The following TYW1B variants were observed in gnomAD, a reference collection of about 807,000 sequenced individuals.
TYW1B encodes the protein S-adenosyl-L-methionine-dependent tRNA 4-demethylwyosine synthase TYW1B.
In TYW1B, 73 loss-of-function variants were observed where a neutral mutation model predicts 86.9. That is an observed-to-expected ratio of 0.84 (90% CI 0.70 to 1.02). TYW1B has a LOEUF of 1.02. TYW1B is among the 50% of genes least tolerant of loss of function. The pLI, the probability that TYW1B is intolerant of heterozygous loss-of-function variation, is 0.00. For synonymous variants in TYW1B, 248 were observed against 292.8 expected (o/e 0.85, Z 1.56); for missense variants, 637 against 827.4 (o/e 0.77, Z 2.82).
intron 13 of TYW1B, among the ~76,000 whole-genome samples, chr7:72,603,356 A>G (rs2129568108): frequency 6.6e-6 from 1 of 151,974 alleles, no homozygotes; most frequent in South Asian, 2.1e-4. Flanking sequence ...GGATGGATGG[A>G]CGAATGGACG....
At chr7:72,602,329 G>A (rs1563025665) in intron 13 of TYW1B, among the ~76,000 whole-genome samples, 1 of 152,170 alleles carries the variant, frequency 6.6e-6, no homozygotes, top group Non-Finnish European at 1.5e-5. Flanking sequence ...GTCTCTCACT[G>A]TTGGGTTGGG....
intron 9 of TYW1B, among the ~76,000 whole-genome samples, chr7:72,719,692 G>GGCAATGAA (rs1386597777): frequency 1.1e-4 from 16 of 151,598 alleles, no homozygotes; most frequent in Non-Finnish European, 2.2e-4. Context: ...GAAAGAGCAG[G>GGCAATGAA]GCAATGAAGA....
rs71553249 is a variant in TYW1B, at chr7:72,634,247, C to T, written c.1507-5250G>A. Among the ~76,000 whole-genome samples, 11 of 151,836 alleles carry T rather than the reference C, an allele frequency of 7.2e-5. 1 individual carries two copies. The highest frequency in any genetic ancestry group is 4.2e-4 in the South Asian group (2 of 4,810). On this transcript the variant is annotated intron_variant, in intron 11 of 13. Transcript: ENST00000620995. ...AGGCTGGAGTGCAGTGGCATAAGCA[C>T]GGCCCACTACAGCCTCAACCTCCCA...
intron 7 of TYW1B, among the ~76,000 whole-genome samples, chr7:72,764,337 C>T (rs1170584104): frequency 6.6e-6 from 1 of 152,184 alleles, no homozygotes; most frequent in Non-Finnish European, 1.5e-5. Context: ...GACTGGAGTG[C>T]AGTGGGGCGA....
At chr7:72,748,482 A>T (rs1378833976) in intron 7 of TYW1B, among the ~76,000 whole-genome samples, 3 of 147,876 alleles carry the variant, frequency 2.0e-5, no homozygotes, top group Non-Finnish European at 4.5e-5. Context: ...TAGAATTTAC[A>T]ATACTATGTA....
chr7:72,682,488 AAGG>A (rs1813900140), intron 11 of TYW1B, among the ~76,000 whole-genome samples: 2 of 152,320 alleles, frequency 1.3e-5, no homozygotes, highest in South Asian at 2.1e-4. Flanking sequence ...ATGACACTAA[AAGG>A]AGAATTCACA....
chr7:72,602,414 T>C (rs1467236834), intron 13 of TYW1B, among the ~76,000 whole-genome samples: 4 of 152,156 alleles, frequency 2.6e-5, no homozygotes, highest in African/African-American at 9.7e-5. Flanking sequence ...GTGTGTTCAC[T>C]TGAATATAGG....
intron 11 of TYW1B, among the ~76,000 whole-genome samples, chr7:72,633,929 A>T (rs1351481379): frequency 6.6e-6 from 1 of 152,114 alleles, no homozygotes; most frequent in Non-Finnish European, 1.5e-5. Flanking sequence ...TGGGACATAC[A>T]TTCTTTTGTG....
At chr7:72,780,244 G>T (rs1788028246) in intron 6 of TYW1B, among the ~76,000 whole-genome samples, 1 of 151,782 alleles carries the variant, frequency 6.6e-6, no homozygotes, top group Admixed American at 6.6e-5. Context: ...AGTTTGCTTT[G>T]TTTTTTTTAA....
chr7:72,729,477 G>C (rs1338808659), intron 8 of TYW1B, among the ~76,000 whole-genome samples: 1 of 152,000 alleles, frequency 6.6e-6, no homozygotes, highest in Non-Finnish European at 1.5e-5. Context: ...CAAAGCCCCT[G>C]TATCTCCATA....
intron 13 of TYW1B, among the ~76,000 whole-genome samples, chr7:72,591,872 T>C (rs1291772698): frequency 6.6e-6 from 1 of 151,798 alleles, no homozygotes; most frequent in Non-Finnish European, 1.5e-5. Flanking sequence ...CAGACTAGAG[T>C]GTGTGTAGTG....
At chr7:72,758,425 T>TAAACATTTTTTTCTCTTAGAAA (rs564389881) in intron 7 of TYW1B, among the ~76,000 whole-genome samples, 108 of 152,138 alleles carry the variant, frequency 7.1e-4, no homozygotes, top group South Asian at 3.5e-3. Flanking sequence ...TATTCCTAAA[T>TAAACATTTTTTTCTCTTAGAAA]AAACATTTTT....
intron 11 of TYW1B, among the ~76,000 whole-genome samples, chr7:72,640,365 A>G (rs1812774978): frequency 6.6e-6 from 1 of 152,138 alleles, no homozygotes; most frequent in Non-Finnish European, 1.5e-5. Context: ...GAGACACACG[A>G]AAGACTAAAG....
At chr7:72,687,975 C>T (rs1814049887) in intron 11 of TYW1B, among the ~76,000 whole-genome samples, 2 of 152,036 alleles carry the variant, frequency 1.3e-5, no homozygotes, top group African/African-American at 4.8e-5. Context: ...TTGCTTGAGT[C>T]CAGGAGTTCA....
At chr7:72,717,000 T>C (rs1786800604) in intron 9 of TYW1B, among the ~76,000 whole-genome samples, 1 of 151,670 alleles carries the variant, frequency 6.6e-6, no homozygotes, top group Non-Finnish European at 1.5e-5. Context: ...CACAGTTGCT[T>C]GTAAAAAGCA....
chr7:72,754,221 C>A (rs1180395012), intron 7 of TYW1B, among the ~76,000 whole-genome samples: 4 of 152,074 alleles, frequency 2.6e-5, no homozygotes, highest in African/African-American at 9.7e-5. Context: ...CTCACTGCAA[C>A]CTCCACCTCC....
chr7:72,603,027 T>C (rs1554434091), intron 13 of TYW1B, among the ~76,000 whole-genome samples: 1 of 152,200 alleles, frequency 6.6e-6, no homozygotes, highest in Admixed American at 6.6e-5. Flanking sequence ...ATTCATGCAT[T>C]CACACTGATA....
At chr7:72,686,999 A>G (rs1814021945) in intron 11 of TYW1B, among the ~76,000 whole-genome samples, 1 of 152,210 alleles carries the variant, frequency 6.6e-6, no homozygotes, top group Non-Finnish European at 1.5e-5. Context: ...AAAACATAAG[A>G]AACTATCTTC....
intron 11 of TYW1B, among the ~76,000 whole-genome samples, chr7:72,647,150 T>G (rs1303842711): frequency 6.6e-6 from 1 of 152,204 alleles, no homozygotes; most frequent in Non-Finnish European, 1.5e-5. Context: ...AGTAATGAGG[T>G]ACTATTTGGG....
Sources: gnomAD v4.1 joint callset for allele counts (sites outside exome capture counted in the v4.1 genomes callset) on GRCh38, gnomAD v4.1.1 for gene constraint, MANE v1.5 for transcripts, NCBI Gene and HGNC (gene_info 2026-07-23, HGNC 2026-07-21) for gene names.